Variants in MCF2L observed in about 807,000 individuals in gnomAD.
The protein encoded by MCF2L is MCF.2 cell line derived transforming sequence like, also known as guanine nucleotide exchange factor DBS.
MCF2L carries 97 observed loss-of-function variants against 153.4 expected under a neutral mutation model. The ratio of observed to expected loss-of-function variants is 0.63; its 90% confidence interval spans 0.54 to 0.75. The LOEUF (loss-of-function observed/expected upper bound fraction) is 0.75. Ranked by LOEUF, MCF2L falls within the 30% of genes least tolerant of loss-of-function variation. The probability of loss-of-function intolerance (pLI) is 0.00; values close to 1 mark genes in which losing one functional copy is unlikely to be tolerated. For synonymous variants in MCF2L, 659 were observed against 632.2 expected (o/e 1.04, Z -0.64); for missense variants, 1,347 against 1,495.2 (o/e 0.90, Z 1.64).
At chr13:113,095,750 AG>A in intron 27 of MCF2L, 1 of 996,882 alleles carries the variant, frequency 1.0e-6, no homozygotes, top group Non-Finnish European at 1.2e-6. Context: ...ACGCAGCACC[AG>A]GAGGCTGTGA....
chr13:113,095,014 C>G, intron 27 of MCF2L: 1 of 1,375,678 alleles, frequency 7.3e-7, no homozygotes, highest in Non-Finnish European at 9.7e-7. Flanking sequence ...GTGCACCTTC[C>G]TCAGAGGAGA....
intron 2 of MCF2L, among the ~76,000 whole-genome samples, chr13:112,958,443 G>A (rs1228075606): frequency 7.2e-5 from 11 of 152,178 alleles, no homozygotes; most frequent in Non-Finnish European, 1.2e-4. Context: ...TGCTCCATTC[G>A]GAGCCAGCTG....
At position 112,941,942 on chromosome 13, in the gene MCF2L, C is replaced by A. The variant is rs1156692959; in HGVS notation, c.169+39571C>A. On this transcript the variant is annotated intron_variant, in intron 2 of 29. Transcript: ENST00000375608. The surrounding 1 kb of genome is among the most constrained non-coding windows in gnomAD (Gnocchi z 4.9). The stretch of plus-strand genomic sequence containing the variant: ...GCACAGACAGGGCCACCAGAGGGCT[C>A]TTTGGTCTAGCGGTAACGCCAGCAT... 6.6e-6 allele frequency among the ~76,000 whole-genome samples: 1 copy of A among 152,326 alleles called. No individual in the cohort carries two copies. Among genetic ancestry groups the A allele is most frequent in the African/African-American group, 2.4e-5 (1 of 41,570 alleles).
chr13:113,011,430 CGGTGGACAGGTGGTGTGGAT>C (rs1485536627), intron 1 of MCF2L, among the ~76,000 whole-genome samples: 10 of 151,702 alleles, frequency 6.6e-5, no homozygotes, highest in African/African-American at 2.4e-4. Flanking sequence ...GTGGTGTGGA[CGGTGGACAGGTGGTGTGGAT>C]GGTGGACACT....
Position 113,045,232 on chromosome 13 carries a change from C to A in MCF2L, c.279-39C>A. On this transcript the variant is annotated intron_variant, in intron 3 of 29. Coordinates refer to ENST00000535094, the MANE Select transcript of MCF2L (RefSeq NM_001112732.3). This position sits in a 1 kb window ranked among gnomAD's most constrained non-coding sequence, Gnocchi z 4.2. The stretch of plus-strand genomic sequence containing the variant: ...GATTTCGTGGGCAGCCGGCTTCCCA[C>A]CTGCACACATTAACGGCGGCGTCTC... 6.6e-7 allele frequency: 1 copy of A among 1,522,234 alleles called. No individual in the cohort carries two copies. Among genetic ancestry groups the A allele is most frequent in the Non-Finnish European group, 9.1e-7 (1 of 1,096,406 alleles). 94.3% of individuals were successfully genotyped at this position (1,522,234 alleles called of 1,614,324 possible).
intron 3 of MCF2L, among the ~76,000 whole-genome samples, chr13:113,030,282 T>C (rs2085571102): frequency 7.2e-6 from 1 of 139,684 alleles, no homozygotes; most frequent in Admixed American, 7.2e-5. Context: ...CTGATGCAGG[T>C]GTGGGCCCTC....
intron 2 of MCF2L, among the ~76,000 whole-genome samples, chr13:112,906,812 G>A (rs111324137): frequency 1.3e-5 from 2 of 152,342 alleles, no homozygotes; most frequent in Non-Finnish European, 2.9e-5. Context: ...GCTCTAGGGT[G>A]GCTTGTGGGG....
chr13:113,088,035 C>T (rs2034805926), intron 23 of MCF2L, among the ~76,000 whole-genome samples: 1 of 152,176 alleles, frequency 6.6e-6, no homozygotes, highest in Non-Finnish European at 1.5e-5. Context: ...CAGGGGAGCT[C>T]ATGTGTCCCT....
chr13:113,090,436 T>TGGGGCGG, intron 26 of MCF2L: 1 of 188,938 alleles, frequency 5.3e-6, no homozygotes. Flanking sequence ...TTCCTCTCCC[T>TGGGGCGG]GCCCCCCACC....
In MCF2L at chr13:113,088,707, C is replaced by T. The variant is rs2034886585; in HGVS notation, c.2834+79C>T. 2.1e-6 allele frequency: 3 copies of T among 1,431,596 alleles called. No homozygotes were observed. The Admixed American group carries it at 5.8e-5, about 28-fold the overall frequency. The allele number at this position is 1,431,596 out of a possible 1,614,324, so 88.7% of individuals were successfully genotyped here. On this transcript the variant is annotated intron_variant, in intron 25 of 29. Transcript: ENST00000535094. ...GCCATTTGCACGCCAGGGTCCTCGG[C>T]CTCTGTCAGTGGGACCCTGTGGTTA...
intron 1 of MCF2L, among the ~76,000 whole-genome samples, chr13:112,990,947 AC>A (rs1474275532): frequency 6.6e-6 from 1 of 152,128 alleles, no homozygotes; most frequent in African/African-American, 2.4e-5. Context: ...CTGAGCCACC[AC>A]CCTGCAGCCA....
chr13:113,002,075 C>G, intron 1 of MCF2L: 1 of 1,366,112 alleles, frequency 7.3e-7, no homozygotes, highest in Non-Finnish European at 9.5e-7. Flanking sequence ...GTTCTGGGCC[C>G]AGCCCTGTCC....
chr13:113,017,689 CG>C (rs2084620038), intron 2 of MCF2L, among the ~76,000 whole-genome samples: 1 of 152,076 alleles, frequency 6.6e-6, no homozygotes, highest in Non-Finnish European at 1.5e-5. Context: ...CTCCCTGTCT[CG>C]CTCCACTCGA....
intron 11 of MCF2L, 41 bp downstream of exon 11, chr13:113,075,230 G>A (rs375795395): frequency 5.1e-5 from 78 of 1,530,912 alleles, no homozygotes; most frequent in Admixed American, 1.5e-4. Flanking sequence ...CCCCAGCTGC[G>A]GAACCAGCCT....
chr13:113,079,814 T>G (rs904760763), intron 15 of MCF2L, among the ~76,000 whole-genome samples: 1 of 65,330 alleles, frequency 1.5e-5, no homozygotes, highest in Admixed American at 1.5e-4. Context: ...GAGGAATGTC[T>G]GAATGGAGGA....
At chr13:113,089,461 G>C in intron 25 of MCF2L, 149 bp from the exon 26 acceptor site, 1 of 641,734 alleles carries the variant, frequency 1.6e-6, no homozygotes, top group Non-Finnish European at 2.8e-6. Flanking sequence ...CAGTCCGTCC[G>C]GGTTTAACTT....
chr13:113,014,867 T>C, intron 2 of MCF2L, 21 bp downstream of exon 2: 1 of 1,607,812 alleles, frequency 6.2e-7, no homozygotes, highest in Non-Finnish European at 8.5e-7. Context: ...GAAGCTGGGA[T>C]GGGGTGGAGA....
rs962327327 is a variant in MCF2L, at chr13:113,082,537, C to T, written c.1986C>T (p.His662=). ...FGNMEEIYHF[H]NRIFLRELEN... is the part of the protein sequence containing the mutation. ...ACATGGAGGAAATCTATCACTTCCACAACAGGTGGGCCCTTCCCCCCGACA... is the reference window on the plus strand; with the variant it reads ...ACATGGAGGAAATCTATCACTTCCATAACAGGTGGGCCCTTCCCCCCGACA... Residue 662 remains histidine, a synonymous_variant, in exon 17 of 30, where the codon CAC becomes CAT. Transcript: ENST00000535094. The T allele has an allele frequency of 3.1e-6, 5 of 1,607,324 alleles. No individual in the cohort carries two copies. The highest frequency in any genetic ancestry group is 4.3e-6 in the Non-Finnish European group (5 of 1,174,132).
intron 2 of MCF2L, among the ~76,000 whole-genome samples, chr13:112,918,112 T>C (rs570894567): frequency 6.6e-6 from 1 of 152,366 alleles, no homozygotes; most frequent in South Asian, 2.1e-4. Flanking sequence ...GACCTGTCTC[T>C]GAGTCATTGT....
Sources: allele counts gnomAD v4.1 joint callset (sites outside exome capture counted in the v4.1 genomes callset), GRCh38; gene constraint gnomAD v4.1.1; non-coding constraint Gnocchi (gnomAD v3.1); transcripts MANE v1.5; gene names NCBI Gene and HGNC (gene_info 2026-07-23, HGNC 2026-07-21).